The following RBBP8 variants were observed in gnomAD, a reference collection of about 807,000 sequenced individuals.
RBBP8 encodes RB binding protein 8, endonuclease.
Under a neutral mutation model 108.3 loss-of-function variants are expected in RBBP8, and 88 were observed. The observed-to-expected ratio is 0.81, with a 90% CI of 0.68 to 0.97. RBBP8 has a LOEUF of 0.97. RBBP8 is among the 50% of genes least tolerant of loss of function. The pLI is 0.00. For synonymous variants in RBBP8, 332 were observed against 348.2 expected (o/e 0.95, Z 0.52); for missense variants, 1,023 against 1,049.0 (o/e 0.98, Z 0.34).
chr18:22,968,722 T>G, intron 4 of RBBP8, 84 bp from the exon 5 acceptor site: 1 of 1,086,298 alleles, frequency 9.2e-7, no homozygotes, highest in East Asian at 2.6e-5. Context: ...CCAAGTCAGT[T>G]CCTTAAATCT....
intron 1 of RBBP8, chr18:22,934,871 TC>T (rs1910397351): frequency 6.6e-6 from 1 of 151,794 alleles, no homozygotes; most frequent in South Asian, 2.1e-4. Flanking sequence ...TTACGCCTCT[TC>T]CCCCAACTCT....
chr18:23,022,208 C>G lies in RBBP8; in HGVS notation c.2534C>G (p.Pro845Arg), dbSNP rs750622761. 22 of 1,612,394 alleles carry G rather than the reference C, an allele frequency of 1.4e-5. No individual in the cohort carries two copies. In the South Asian group the frequency reaches 2.4e-4, roughly 18 times the overall value. Residue 845 changes from proline to arginine, a missense_variant, in exon 18 of 19, where the codon CCC becomes CGC. Coordinates refer to ENST00000327155, the MANE Select transcript of RBBP8 (RefSeq NM_002894.3). ...AGACACCGATTCCGCTACATTCCAC[C>G]CAACACACCAGAGAATTTTTGGGAA... Reference protein sequence around the residue: ...CSRHRFRYIPPNTPENFWEVG... With the variant: ...CSRHRFRYIPRNTPENFWEVG...
rs961718956 is a variant in RBBP8, at chr18:22,918,813, A to G, written c.-154+1787A>G. 3.3e-5 allele frequency among the ~76,000 whole-genome samples: 5 copies of G among 152,134 alleles called. No individual in the cohort carries two copies. In the South Asian group the frequency reaches 8.3e-4, roughly 25 times the overall value. ...TTTTTTGTAGAGATGTGTTCTCCCT[A>G]TGTTTCCCAGGCTGATCTTGAACTC... On this transcript the variant is annotated intron_variant, in intron 3 of 4. Transcript: ENST00000577588.
Position 22,949,838 on chromosome 18 carries a change from G to T in RBBP8, c.248+125G>T. The T allele has an allele frequency of 1.3e-5, 9 of 683,010 alleles. No individual in the cohort carries two copies. In the South Asian group the frequency reaches 1.5e-4, roughly 12 times the overall value. 42.3% of individuals were successfully genotyped at this position (683,010 alleles called of 1,614,324 possible). A position where few individuals can be genotyped will look rare whatever the true frequency, so the allele number is the denominator to read the frequency against. On this transcript the variant is annotated intron_variant, in intron 4 of 18. Coordinates refer to ENST00000327155, the MANE Select transcript of RBBP8 (RefSeq NM_002894.3). ...TTTCCCACAGCCTTCTCTCACCTTT[G>T]AATGAATACTTTATGAAAACAAGGA...
intron 17 of RBBP8, 103 bp downstream of exon 17, chr18:23,017,027 C>G: frequency 1.1e-6 from 1 of 931,312 alleles, no homozygotes; most frequent in South Asian, 1.4e-5. Flanking sequence ...GTTATAGAAA[C>G]CTCTTATTTG....
chr18:22,949,544 C>A, intron 3 of RBBP8, 74 bp from the exon 4 acceptor site: 1 of 1,078,254 alleles, frequency 9.3e-7, no homozygotes, highest in Non-Finnish European at 1.4e-6. Context: ...GTTATATAAA[C>A]ACGGTGGAGC....
intron 4 of RBBP8, among the ~76,000 whole-genome samples, chr18:22,956,827 ATATTATGTTTAATAATTAT>A (rs1463643314): frequency 1.3e-5 from 2 of 152,146 alleles, no homozygotes; most frequent in East Asian, 3.8e-4. Flanking sequence ...ATTATGTTTT[ATATTATGTTTAATAATTAT>A]TATTATGTTT....
intron 18 of RBBP8, among the ~76,000 whole-genome samples, chr18:23,024,304 A>G (rs2046420621): frequency 6.6e-6 from 1 of 151,928 alleles, no homozygotes; most frequent in African/African-American, 2.4e-5. Flanking sequence ...TGGTACAGAC[A>G]TTCAATCAAA....
At chr18:22,946,692 C>A (rs1911594195) in intron 3 of RBBP8, among the ~76,000 whole-genome samples, 1 of 151,790 alleles carries the variant, frequency 6.6e-6, no homozygotes, top group Non-Finnish European at 1.5e-5. Context: ...AATAATTTTG[C>A]AATTTTAAGT....
chr18:22,958,381 AGTT>A (rs1912766972), intron 4 of RBBP8, among the ~76,000 whole-genome samples: 1 of 152,228 alleles, frequency 6.6e-6, no homozygotes. Flanking sequence ...GTCCCCAATC[AGTT>A]GTTCAAATCA....
chr18:22,993,019 A>T lies in RBBP8; in HGVS notation c.1192A>T (p.Ile398Phe), dbSNP rs1324463494. 6.2e-7 allele frequency: 1 copy of T among 1,613,486 alleles called. No individual in the cohort carries two copies. The highest frequency in any genetic ancestry group is 1.3e-5 in the African/African-American group (1 of 74,906). Residue 398 changes from isoleucine to phenylalanine, a missense_variant, in exon 11 of 19, where the codon ATT (isoleucine) becomes TTT (phenylalanine). Transcript: ENST00000327155. ...HSLGSEVNKI[I>F]IQSSNKQILI... is the part of the protein sequence containing the mutation. ...TCTTGGGTCTGAAGTGAACAAGATC[A>T]TTATCCAGTCATCTAATAAACAGAT...
intron 5 of RBBP8, among the ~76,000 whole-genome samples, chr18:22,969,361 T>C (rs1406194735): frequency 6.6e-6 from 1 of 152,142 alleles, no homozygotes; most frequent in Non-Finnish European, 1.5e-5. Flanking sequence ...TCCTTACCTA[T>C]TGAGTGTAGA....
intron 17 of RBBP8, among the ~76,000 whole-genome samples, chr18:23,021,636 A>G (rs2046347441): frequency 6.6e-6 from 1 of 152,230 alleles, no homozygotes; most frequent in Non-Finnish European, 1.5e-5. Context: ...TTCAACATTC[A>G]GATCTAAATT....
rs1299601817 is a variant in RBBP8 at position 23,007,481 on chromosome 18, G to A, written c.2357+1049G>A. Among the ~76,000 whole-genome samples the A allele has an allele frequency of 3.3e-5, 5 of 151,686 alleles. No homozygotes were observed. In the South Asian group the frequency reaches 8.4e-4, roughly 25 times the overall value. ...GCACTTTGGGAGGCCCAGGCGGGGG[G>A]ATCAAAAGGTCAGGAAATTGAGACC... On this transcript the variant is annotated intron_variant, in intron 16 of 18. Transcript: ENST00000327155.
intron 14 of RBBP8, among the ~76,000 whole-genome samples, chr18:23,000,080 A>C (rs953650515): frequency 3.3e-5 from 5 of 152,222 alleles, no homozygotes; most frequent in African/African-American, 9.6e-5. Context: ...ACAGAACAAA[A>C]GTACTTACCT....
upstream of RBBP8, among the ~76,000 whole-genome samples, chr18:22,930,160 G>T (rs1909968022): frequency 6.6e-6 from 1 of 152,082 alleles, no homozygotes. Context: ...TTTTAAATTG[G>T]TGCCTAGATA....
intron 15 of RBBP8, among the ~76,000 whole-genome samples, chr18:23,005,273 G>A (rs957784146): frequency 6.6e-6 from 1 of 152,180 alleles, no homozygotes; most frequent in African/African-American, 2.4e-5. Context: ...ATAGCTAAAA[G>A]CACAGATTTT....
intron 15 of RBBP8, among the ~76,000 whole-genome samples, chr18:23,006,010 C>T (rs1340159601): frequency 6.6e-6 from 1 of 151,758 alleles, no homozygotes. Context: ...CATGGTGAAA[C>T]CCTGTCTCTA....
chr18:22,956,455 C>T (rs188469403), intron 4 of RBBP8, among the ~76,000 whole-genome samples: 1 of 152,082 alleles, frequency 6.6e-6, no homozygotes, highest in African/African-American at 2.4e-5. Flanking sequence ...TCACATCAGC[C>T]CCCCCAGGTA....
Sources: gnomAD v4.1 joint callset for allele counts (sites outside exome capture counted in the v4.1 genomes callset) on GRCh38, gnomAD v4.1.1 for gene constraint, MANE v1.5 for transcripts, NCBI Gene and HGNC (gene_info 2026-07-23, HGNC 2026-07-21) for gene names.